The following CAMTA1 variants were observed in gnomAD, a reference collection of about 807,000 sequenced individuals.
The protein encoded by CAMTA1 is calmodulin binding transcription activator 1, also known as calmodulin-binding transcription activator 1.
CAMTA1 carries 27 observed loss-of-function variants against 170.9 expected under a neutral mutation model. The ratio of observed to expected loss-of-function variants is 0.16; its 90% CI spans 0.12 to 0.22. The LOEUF is 0.22. CAMTA1 is among the 10% of genes least tolerant of loss of function. CAMTA1 has a pLI of 1.00. For missense variants in CAMTA1, 1,619 were observed against 2,217.2 expected (o/e 0.73, Z 5.42); for synonymous variants, 833 against 891.5 (o/e 0.93, Z 1.17).
intron 3 of CAMTA1, among the ~76,000 whole-genome samples, chr1:6,948,411 AG>A (rs1687912996): frequency 6.6e-6 from 1 of 152,230 alleles, no homozygotes; most frequent in South Asian, 2.1e-4. Context: ...CGTAGGTAAG[AG>A]CAAGATAGAA....
At chr1:7,442,673 C>G (rs1406567715) in intron 5 of CAMTA1, among the ~76,000 whole-genome samples, 2 of 152,166 alleles carry the variant, frequency 1.3e-5, no homozygotes, top group Non-Finnish European at 2.9e-5. Context: ...TCTCAATCTC[C>G]CAGAGCCTCC....
intron 6 of CAMTA1, among the ~76,000 whole-genome samples, chr1:7,546,482 A>G (rs546349819): frequency 6.6e-6 from 1 of 152,312 alleles, no homozygotes; most frequent in East Asian, 1.9e-4. Flanking sequence ...ATGTATCTTT[A>G]TAACAAAATG....
intron 5 of CAMTA1, among the ~76,000 whole-genome samples, chr1:7,394,865 G>A (rs1389776239): frequency 7.3e-6 from 1 of 137,446 alleles, no homozygotes; most frequent in Non-Finnish European, 1.5e-5. Flanking sequence ...CTGTGTGTGT[G>A]GTGTTTCTTT....
chr1:7,518,634 G>A (rs959111770), intron 6 of CAMTA1, among the ~76,000 whole-genome samples: 4 of 151,962 alleles, frequency 2.6e-5, no homozygotes, highest in South Asian at 2.1e-4. Context: ...CCCACCCAGC[G>A]CTGGTTCCAG....
intron 6 of CAMTA1, among the ~76,000 whole-genome samples, chr1:7,533,891 A>G (rs747837687): frequency 6.6e-6 from 1 of 151,944 alleles, no homozygotes; most frequent in African/African-American, 2.4e-5. Context: ...TCTAGCCTGG[A>G]TGACAGAGCG....
chr1:7,257,645 CAT>C (rs1387274633), intron 5 of CAMTA1, among the ~76,000 whole-genome samples: 12 of 152,266 alleles, frequency 7.9e-5, no homozygotes, highest in South Asian at 2.1e-4. Flanking sequence ...CATGCACAGA[CAT>C]GTGTGCATAC....
Position 7,263,679 on chromosome 1 carries a change from T to C in CAMTA1, c.438+14053T>C, listed in dbSNP as rs1668498680. Among the ~76,000 whole-genome samples, 6 of 152,206 alleles carry C rather than the reference T, an allele frequency of 3.9e-5. No homozygotes were observed. In the South Asian group the frequency reaches 1.2e-3, roughly 32 times the overall value. On this transcript the variant is annotated intron_variant, in intron 5 of 22. Coordinates refer to ENST00000303635, the MANE Select transcript of CAMTA1 (RefSeq NM_015215.4). ...AGCCCAGAGATCTATGGGCTTTCAG[T>C]AGAGTTCCTTCTTCCACTTTAGGGC...
At position 7,286,318 on chromosome 1, in the gene CAMTA1, C is replaced by A. The variant is rs1021782875; in HGVS notation, c.438+36692C>A. Among the ~76,000 whole-genome samples, 9 of 152,204 alleles carry A rather than the reference C, an allele frequency of 5.9e-5. No homozygotes were observed. The highest frequency in any genetic ancestry group is 1.9e-4 in the African/African-American group (8 of 41,450). On this transcript the variant is annotated intron_variant, in intron 5 of 22. Transcript: ENST00000303635. This position sits in a 1 kb window ranked among gnomAD's most constrained non-coding sequence, Gnocchi z 4.2. ...CAGGGTGTGCCACGTGCTTTTAGAG[C>A]TGCCCCAGCAACGATTCTTGATTTG...
At chr1:7,244,471 G>A (rs1400886769) in intron 4 of CAMTA1, among the ~76,000 whole-genome samples, 2 of 152,198 alleles carry the variant, frequency 1.3e-5, no homozygotes, top group South Asian at 2.1e-4. Flanking sequence ...ATTCACAATA[G>A]CAAAGACTTG....
intron 5 of CAMTA1, among the ~76,000 whole-genome samples, chr1:7,264,229 T>C (rs1173777539): frequency 6.6e-6 from 1 of 152,236 alleles, no homozygotes; most frequent in Admixed American, 6.5e-5. Flanking sequence ...CCTGAGATGC[T>C]GCATTGATAG....
At chr1:7,104,754 C>A (rs553404863) in intron 4 of CAMTA1, among the ~76,000 whole-genome samples, 2 of 152,308 alleles carry the variant, frequency 1.3e-5, no homozygotes, top group East Asian at 3.8e-4. Context: ...GACAAGGGGT[C>A]GTGCTGGCTG....
chr1:7,497,038 G>A (rs931666914), intron 6 of CAMTA1, among the ~76,000 whole-genome samples: 2 of 151,878 alleles, frequency 1.3e-5, no homozygotes, highest in African/African-American at 4.8e-5. Context: ...GAGAAAAATA[G>A]CTGAGGCCAC....
chr1:6,959,908 C>A (rs1449666901), intron 3 of CAMTA1, among the ~76,000 whole-genome samples: 1 of 152,156 alleles, frequency 6.6e-6, no homozygotes. Flanking sequence ...TGGGAGAGGA[C>A]ACACATGAAG....
intron 6 of CAMTA1, among the ~76,000 whole-genome samples, chr1:7,494,901 G>T (rs530763674): frequency 2.3e-3 from 345 of 152,286 alleles, no homozygotes; most frequent in African/African-American, 8.1e-3. Flanking sequence ...CAGCAAGCCG[G>T]CAGTGTCCTG....
chr1:7,229,957 C>T (rs994195227), intron 4 of CAMTA1, among the ~76,000 whole-genome samples: 4 of 152,052 alleles, frequency 2.6e-5, no homozygotes, highest in Non-Finnish European at 5.9e-5. Flanking sequence ...TTTGAGAGGC[C>T]GGTTGGGCTG....
chr1:6,965,211 TTG>T lies in CAMTA1; in HGVS notation c.235-126088_235-126087del, dbSNP rs1691311100. ...TGAGCATGAGTGTGTGTGTATGACT[TTG>T]TGTGCTTGTGTGTGTCTGTGCATGT... On this transcript the variant is annotated intron_variant, in intron 3 of 22. Transcript: ENST00000303635. The surrounding 1 kb of genome is among the most constrained non-coding windows in gnomAD (Gnocchi z 4.1). 6.6e-6 allele frequency among the ~76,000 whole-genome samples: 1 copy of T among 151,348 alleles called. No individual in the cohort carries two copies. The highest frequency in any genetic ancestry group is 6.6e-5 in the Admixed American group (1 of 15,234).
At chr1:7,359,848 G>A (rs1386032000) in intron 5 of CAMTA1, among the ~76,000 whole-genome samples, 1 of 152,178 alleles carries the variant, frequency 6.6e-6, no homozygotes, top group South Asian at 2.1e-4. Context: ...GAGCTAGTGG[G>A]TTGGTTTGCT....
At chr1:7,697,402 G>C (rs900904555) in intron 11 of CAMTA1, among the ~76,000 whole-genome samples, 1 of 152,184 alleles carries the variant, frequency 6.6e-6, no homozygotes, top group South Asian at 2.1e-4. Context: ...GTGTCACACC[G>C]CTGGGGATTC....
intron 4 of CAMTA1, among the ~76,000 whole-genome samples, chr1:7,182,509 A>AC (rs34067197): frequency 0.22 from 33,059 of 150,296 alleles, 3,997 homozygotes; most frequent in Non-Finnish European, 0.28. Context: ...AAAAAAAAAA[A>AC]AAAACACTAG....
Sources: allele counts gnomAD v4.1 joint callset (sites outside exome capture counted in the v4.1 genomes callset), GRCh38; gene constraint gnomAD v4.1.1; non-coding constraint Gnocchi (gnomAD v3.1); transcripts MANE v1.5; gene names NCBI Gene and HGNC (gene_info 2026-07-23, HGNC 2026-07-21).